Variants in SEMA3A observed in about 807,000 individuals in gnomAD.
SEMA3A encodes semaphorin 3A.
In SEMA3A, 29 loss-of-function variants were observed where a neutral mutation model predicts 97.9. The ratio of observed to expected loss-of-function variants is 0.30; its 90% CI spans 0.22 to 0.40. SEMA3A has a LOEUF of 0.40. SEMA3A is among the 10% of genes least tolerant of loss of function. The probability of loss-of-function intolerance (pLI) is 1.00; values close to 1 mark genes in which losing one functional copy is unlikely to be tolerated. For synonymous variants in SEMA3A, 321 were observed against 323.7 expected (o/e 0.99, Z 0.09); for missense variants, 763 against 951.3 (o/e 0.80, Z 2.60).
At chr7:83,969,910 A>C (rs1389816350) in intron 15 of SEMA3A, among the ~76,000 whole-genome samples, 1 of 152,194 alleles carries the variant, frequency 6.6e-6, no homozygotes, top group African/African-American at 2.4e-5. Flanking sequence ...GTAATAGATA[A>C]TTTTGTGGGC....
intron 1 of SEMA3A, among the ~76,000 whole-genome samples, chr7:84,180,040 G>A (rs969670540): frequency 4.8e-5 from 7 of 144,474 alleles, no homozygotes; most frequent in Admixed American, 7.2e-5. Context: ...TCCACCTCCC[G>A]GGTTCAAGCG....
intron 12 of SEMA3A, among the ~76,000 whole-genome samples, chr7:83,991,229 T>C (rs1584514884): frequency 1.3e-5 from 2 of 151,994 alleles, no homozygotes; most frequent in East Asian, 1.9e-4. Flanking sequence ...GCTGAGACAA[T>C]GGGGTTTTCT....
chr7:84,467,294 G>A (rs538477668), intron 1 of SEMA3A, among the ~76,000 whole-genome samples: 22 of 152,128 alleles, frequency 1.4e-4, no homozygotes, highest in African/African-American at 5.1e-4. Flanking sequence ...AGGCTGAGGC[G>A]AGTGGATCAC....
intron 3 of SEMA3A, among the ~76,000 whole-genome samples, chr7:84,200,862 T>A (rs959128438): frequency 6.6e-6 from 1 of 150,924 alleles, no homozygotes; most frequent in Non-Finnish European, 1.5e-5. Context: ...AGTTTTCAAG[T>A]GAGACAAAAA....
intron 3 of SEMA3A, among the ~76,000 whole-genome samples, chr7:84,241,721 G>A (rs566051145): frequency 3.3e-4 from 50 of 152,244 alleles, no homozygotes; most frequent in Admixed American, 9.8e-4. Flanking sequence ...GCCCTGAATG[G>A]TATTGCCTAG....
At chr7:84,317,822 A>G (rs1801544760) in intron 2 of SEMA3A, among the ~76,000 whole-genome samples, 1 of 152,180 alleles carries the variant, frequency 6.6e-6, no homozygotes, top group African/African-American at 2.4e-5. Flanking sequence ...AAGTCTTGAA[A>G]ATGCAAAACA....
At chr7:84,332,698 C>T (rs1477546348) in intron 2 of SEMA3A, among the ~76,000 whole-genome samples, 7 of 147,212 alleles carry the variant, frequency 4.8e-5, no homozygotes, top group African/African-American at 7.6e-5. Flanking sequence ...CACACACACA[C>T]GTATGTATAA....
chr7:84,018,075 T>C lies in SEMA3A; in HGVS notation c.668-3724A>G, dbSNP rs184412442. Reference sequence around the variant, plus strand: ...TTATAAGATCACTATAGATTTATTATCAACAACTGTTTTAAAGCACCCTGC... The same window carrying C: ...TTATAAGATCACTATAGATTTATTACCAACAACTGTTTTAAAGCACCCTGC... On this transcript the variant is annotated intron_variant, in intron 6 of 16. Coordinates refer to ENST00000265362, the MANE Select transcript of SEMA3A (RefSeq NM_006080.3). 4.1e-3 allele frequency among the ~76,000 whole-genome samples: 617 copies of C among 152,324 alleles called. 7 individuals are homozygous for C. The highest frequency in any genetic ancestry group is 0.014 in the African/African-American group (603 of 41,590).
At position 84,023,887 on chromosome 7, in the gene SEMA3A, C is replaced by T. The variant is rs1791431049; in HGVS notation, c.668-9536G>A. ...GTTAGCCGGGTGTGGTGGCGGGTAC[C>T]TGTAGTCCCAGCTACTCGGGAGGCT... On this transcript the variant is annotated intron_variant, in intron 6 of 16. Coordinates refer to ENST00000265362, the MANE Select transcript of SEMA3A (RefSeq NM_006080.3). Among the ~76,000 whole-genome samples, 15 of 152,050 alleles carry T rather than the reference C, an allele frequency of 9.9e-5. No individual in the cohort carries two copies. In the South Asian group the frequency reaches 3.1e-3, roughly 32 times the overall value.
chr7:84,097,536 G>A (rs1401630034), intron 4 of SEMA3A, among the ~76,000 whole-genome samples: 1 of 152,030 alleles, frequency 6.6e-6, no homozygotes, highest in Non-Finnish European at 1.5e-5. Flanking sequence ...CATTAGACTC[G>A]CTTTTTAACT....
At chr7:84,362,971 T>A (rs763783062) in intron 2 of SEMA3A, among the ~76,000 whole-genome samples, 34 of 151,726 alleles carry the variant, frequency 2.2e-4, no homozygotes, top group Non-Finnish European at 4.4e-4. Flanking sequence ...GAAGAAAAAA[T>A]GGGGAATTTA....
At chr7:84,011,674 G>GT (rs1050603936) in intron 7 of SEMA3A, among the ~76,000 whole-genome samples, 3 of 151,994 alleles carry the variant, frequency 2.0e-5, no homozygotes, top group Non-Finnish European at 4.4e-5. Context: ...GGAAAAAACA[G>GT]TTTTTTCTTT....
intron 3 of SEMA3A, among the ~76,000 whole-genome samples, chr7:84,254,355 A>C (rs1799670506): frequency 6.6e-6 from 1 of 152,218 alleles, no homozygotes; most frequent in Admixed American, 6.5e-5. Flanking sequence ...AAAACAAAAC[A>C]AAAACTTGAG....
chr7:83,986,082 A>G (rs886679706), intron 12 of SEMA3A, among the ~76,000 whole-genome samples: 1 of 152,160 alleles, frequency 6.6e-6, no homozygotes, highest in Non-Finnish European at 1.5e-5. Context: ...TTGATTCAGC[A>G]TGGTCTCAGA....
chr7:84,234,782 T>C (rs960642959), intron 3 of SEMA3A, among the ~76,000 whole-genome samples: 13 of 152,072 alleles, frequency 8.5e-5, no homozygotes, highest in African/African-American at 3.1e-4. Flanking sequence ...TATCTGTAGA[T>C]TTACTAATTA....
intron 4 of SEMA3A, among the ~76,000 whole-genome samples, chr7:84,066,286 T>C (rs1442444050): frequency 6.6e-6 from 1 of 152,030 alleles, no homozygotes; most frequent in Non-Finnish European, 1.5e-5. Flanking sequence ...TAATAAGAGC[T>C]ATCTATGACA....
intron 6 of SEMA3A, among the ~76,000 whole-genome samples, chr7:84,025,863 T>A (rs1438617680): frequency 3.9e-5 from 6 of 152,210 alleles, no homozygotes; most frequent in African/African-American, 1.4e-4. Flanking sequence ...AGCCAGGGCA[T>A]AACAAGAGCC....
intron 2 of SEMA3A, among the ~76,000 whole-genome samples, chr7:84,310,859 C>A (rs1015335099): frequency 6.6e-6 from 1 of 151,838 alleles, no homozygotes; most frequent in Non-Finnish European, 1.5e-5. Context: ...ATCCATCTCG[C>A]CTTCCATTTG....
intron 5 of SEMA3A, among the ~76,000 whole-genome samples, chr7:84,049,909 A>T (rs868269833): frequency 7.9e-6 from 1 of 126,468 alleles, no homozygotes; most frequent in Non-Finnish European, 1.6e-5. Context: ...GTTCCCCTTC[A>T]TGTGTCCATG....
Sources: allele counts gnomAD v4.1 joint callset (sites outside exome capture counted in the v4.1 genomes callset), GRCh38; gene constraint gnomAD v4.1.1; transcripts MANE v1.5; gene names NCBI Gene and HGNC (gene_info 2026-07-23, HGNC 2026-07-21).